GSE1: variants seen among roughly 807,000 people sequenced by gnomAD.
The protein encoded by GSE1 is Gse1 coiled-coil protein.
Under a neutral mutation model 112.6 loss-of-function variants are expected in GSE1, and 32 were observed. The ratio of observed to expected loss-of-function variants is 0.28; its 90% CI spans 0.21 to 0.38. GSE1 has a LOEUF of 0.38. GSE1 is among the 10% of genes least tolerant of loss of function. The probability of loss-of-function intolerance (pLI) is 1.00; values close to 1 mark genes in which losing one functional copy is unlikely to be tolerated. For synonymous variants in GSE1, 1,115 were observed against 735.6 expected (o/e 1.52, Z -8.35); for missense variants, 2,348 against 1,699.2 (o/e 1.38, Z -6.71).
At chr16:85,460,173 A>G (rs2151821373) in intron 2 of GSE1, among the ~76,000 whole-genome samples, 1 of 152,290 alleles carries the variant, frequency 6.6e-6, no homozygotes, top group South Asian at 2.1e-4. Flanking sequence ...AGCCTGAAAC[A>G]CCAAGTGTGT....
At chr16:85,331,389 ATATGTG>A (rs1398640799) in intron 1 of GSE1, among the ~76,000 whole-genome samples, 4 of 139,562 alleles carry the variant, frequency 2.9e-5, no homozygotes, top group East Asian at 2.1e-4. Flanking sequence ...ATATGTATAT[ATATGTG>A]TATATATGTA....
intron 1 of GSE1, among the ~76,000 whole-genome samples, chr16:85,348,936 C>T (rs542552191): frequency 1.1e-4 from 17 of 152,100 alleles, no homozygotes; most frequent in Non-Finnish European, 1.9e-4. Flanking sequence ...GCGCCCTGCC[C>T]GAGACAGCCA....
chr16:85,254,013 T>C (rs1906798409), intron 1 of GSE1, among the ~76,000 whole-genome samples: 1 of 152,044 alleles, frequency 6.6e-6, no homozygotes, highest in Non-Finnish European at 1.5e-5. Flanking sequence ...GGAGCAAAAA[T>C]AGAGGCCGAA....
chr16:85,275,320 G>A (rs939020908), intron 1 of GSE1, among the ~76,000 whole-genome samples: 3 of 152,206 alleles, frequency 2.0e-5, no homozygotes, highest in Non-Finnish European at 2.9e-5. Flanking sequence ...AGAAAAGCTG[G>A]GCAGAGGGCA....
intron 2 of GSE1, among the ~76,000 whole-genome samples, chr16:85,508,957 A>G (rs1334885082): frequency 1.3e-5 from 2 of 152,180 alleles, no homozygotes; most frequent in African/African-American, 4.8e-5. Flanking sequence ...GCTGCTGGTC[A>G]CTGGCGACTG....
intron 1 of GSE1, among the ~76,000 whole-genome samples, chr16:85,312,911 C>T (rs777238138): frequency 6.6e-6 from 1 of 152,182 alleles, no homozygotes; most frequent in Non-Finnish European, 1.5e-5. Context: ...TCCTGAATGG[C>T]CTCCTGGGCA....
rs1323100953 is a variant in GSE1 at position 85,209,365 on chromosome 16, T to C, written c.2283+37558T>C. ...GTTCGTGACCTCGATGTGCACCTCC[T>C]GGCTGTCAGTGCCTGGCTCCCGTGC... On this transcript the variant is annotated intron_variant, in intron 1 of 2. Coordinates refer to the GSE1 transcript ENST00000637419. 2.6e-5 allele frequency among the ~76,000 whole-genome samples: 4 copies of C among 152,298 alleles called. No individual in the cohort carries two copies. The East Asian group carries it at 7.7e-4, about 29-fold the overall frequency.
chr16:85,331,403 G>GTATA (rs1231874176), intron 1 of GSE1, among the ~76,000 whole-genome samples: 1 of 122,842 alleles, frequency 8.1e-6, no homozygotes, highest in East Asian at 2.2e-4. Flanking sequence ...GTGTATATAT[G>GTATA]TATATATATG....
At chr16:85,217,902 T>A (rs1244134302) in intron 1 of GSE1, among the ~76,000 whole-genome samples, 1 of 152,074 alleles carries the variant, frequency 6.6e-6, no homozygotes, top group African/African-American at 2.4e-5. Context: ...AGAAATTTAT[T>A]TTTTATATAT....
chr16:85,599,933 T>C (rs2047390145), intron 1 of GSE1, among the ~76,000 whole-genome samples: 1 of 152,166 alleles, frequency 6.6e-6, no homozygotes, highest in Non-Finnish European at 1.5e-5. Flanking sequence ...TGGGCAAGGC[T>C]CTGAGACTTT....
chr16:85,527,961 ATG>A (rs141688273), intron 2 of GSE1, among the ~76,000 whole-genome samples: 2,255 of 152,294 alleles, frequency 0.015, 50 homozygotes, highest in African/African-American at 0.052. Context: ...AGAGAGGAGC[ATG>A]TGTGTCTGTT....
chr16:85,226,877 G>A (rs983358409), intron 1 of GSE1, among the ~76,000 whole-genome samples: 5 of 151,662 alleles, frequency 3.3e-5, no homozygotes, highest in Non-Finnish European at 7.4e-5. Flanking sequence ...CACTTGGTGA[G>A]GCTGGGGGAA....
At chr16:85,323,739 C>T (rs1007426433) in intron 1 of GSE1, among the ~76,000 whole-genome samples, 2 of 152,206 alleles carry the variant, frequency 1.3e-5, no homozygotes, top group Non-Finnish European at 2.9e-5. Context: ...ACTGTGCAGA[C>T]ACTTGGGGCC....
chr16:85,456,797 G>A (rs940505307), intron 2 of GSE1, among the ~76,000 whole-genome samples: 6 of 152,168 alleles, frequency 3.9e-5, no homozygotes, highest in South Asian at 2.1e-4. Flanking sequence ...GGGTCCTGGC[G>A]GGGAGAACCT....
chr16:85,281,705 G>A lies in GSE1; in HGVS notation c.2284-75758G>A, dbSNP rs374766797. On this transcript the variant is annotated intron_variant, in intron 1 of 2. Transcript: ENST00000637419. Reference sequence around the variant, plus strand: ...GGGCAAAACCAAGGTGCATGGACGTGGTTTTCAGGGTGTCAGCCCACTTCA... The same window carrying A: ...GGGCAAAACCAAGGTGCATGGACGTAGTTTTCAGGGTGTCAGCCCACTTCA... 9.9e-4 allele frequency among the ~76,000 whole-genome samples: 151 copies of A among 152,296 alleles called. 2 individuals are homozygous for A. Among genetic ancestry groups the A allele is most frequent in the African/African-American group, 3.4e-3 (143 of 41,566 alleles).
chr16:85,632,044 C>G (rs983483705), intron 1 of GSE1, among the ~76,000 whole-genome samples: 7 of 152,228 alleles, frequency 4.6e-5, no homozygotes, highest in African/African-American at 1.7e-4. Flanking sequence ...CCCGCATTTT[C>G]TGGAAGTGAG....
intron 9 of GSE1, chr16:85,662,253 G>T (rs114459083): frequency 0.052 from 8,065 of 156,492 alleles, 747 homozygotes; most frequent in African/African-American, 0.19. Flanking sequence ...TTCTGCTTGG[G>T]GGTGGGGCGT....
chr16:85,651,825 C>T (rs929225616), intron 3 of GSE1, among the ~76,000 whole-genome samples: 1 of 152,220 alleles, frequency 6.6e-6, no homozygotes, highest in African/African-American at 2.4e-5. Context: ...GGCCCCTGTT[C>T]TGGGCATCCA....
intron 2 of GSE1, among the ~76,000 whole-genome samples, chr16:85,400,845 T>TGTGTC (rs1259662044): frequency 6.6e-6 from 1 of 151,812 alleles, no homozygotes; most frequent in East Asian, 1.9e-4. Flanking sequence ...GTGTGGTGTG[T>TGTGTC]GTGTCTCTGG....
Sources: gnomAD v4.1 joint callset for allele counts (sites outside exome capture counted in the v4.1 genomes callset) on GRCh38, gnomAD v4.1.1 for gene constraint, MANE v1.5 for transcripts, NCBI Gene and HGNC (gene_info 2026-07-23, HGNC 2026-07-21) for gene names.